EVL: variants seen among roughly 807,000 people sequenced by gnomAD.
EVL encodes the protein ena/VASP-like protein.
EVL carries 21 observed loss-of-function variants against 59.6 expected under a neutral mutation model. The observed-to-expected ratio is 0.35, with a 90% confidence interval of 0.25 to 0.51. EVL has a LOEUF of 0.51. EVL is among the 20% of genes least tolerant of loss of function. EVL has a pLI of 0.97. For missense variants in EVL, 462 were observed against 546.6 expected (o/e 0.85, Z 1.54); for synonymous variants, 198 against 203.5 (o/e 0.97, Z 0.23).
At chr14:99,995,594 A>G (rs1273317746) in intron 1 of EVL, among the ~76,000 whole-genome samples, 1 of 152,136 alleles carries the variant, frequency 6.6e-6, no homozygotes, top group Admixed American at 6.5e-5. Context: ...AAATCTATTT[A>G]GGGTTAGTTT....
At chr14:100,141,060 C>G in intron 11 of EVL, 120 bp from the exon 12 acceptor site, 2 of 895,252 alleles carry the variant, frequency 2.2e-6, no homozygotes, top group Non-Finnish European at 3.4e-6. Context: ...GAGTCTGAAG[C>G]AAGCAGCCTC....
intron 4 of EVL, among the ~76,000 whole-genome samples, chr14:100,124,885 G>T (rs1246594769): frequency 6.6e-6 from 1 of 152,144 alleles, no homozygotes; most frequent in African/African-American, 2.4e-5. Flanking sequence ...AACAGCAGGG[G>T]ACACACACAC....
chr14:100,067,876 T>G (rs1464799413), intron 1 of EVL, among the ~76,000 whole-genome samples: 1 of 151,392 alleles, frequency 6.6e-6, no homozygotes, highest in East Asian at 1.9e-4. Context: ...GCAGTAAGAG[T>G]TGAGAAGTTG....
chr14:100,085,663 C>T (rs2062424653), intron 2 of EVL, among the ~76,000 whole-genome samples: 2 of 152,230 alleles, frequency 1.3e-5, no homozygotes, highest in Admixed American at 6.5e-5. Context: ...AGCAGGTTAG[C>T]TGCTATCTTG....
At chr14:100,131,101 G>A (rs1888408550) in intron 7 of EVL, among the ~76,000 whole-genome samples, 1 of 152,246 alleles carries the variant, frequency 6.6e-6, no homozygotes, top group Non-Finnish European at 1.5e-5. Context: ...TGGACCAAAA[G>A]TCAGGCTGGA....
At chr14:100,084,380 T>C (rs1311701979) in intron 1 of EVL, among the ~76,000 whole-genome samples, 1 of 152,194 alleles carries the variant, frequency 6.6e-6, no homozygotes, top group Non-Finnish European at 1.5e-5. Context: ...TGGAATGTTG[T>C]GAACAGTTGG....
At chr14:100,122,488 G>A (rs577553741) in intron 3 of EVL, among the ~76,000 whole-genome samples, 2 of 152,304 alleles carry the variant, frequency 1.3e-5, no homozygotes, top group African/African-American at 4.8e-5. Context: ...CATTCCTTCT[G>A]TTTCTTGAGA....
upstream of EVL, among the ~76,000 whole-genome samples, chr14:100,061,460 CAAAAA>C (rs869039779): frequency 1.5e-5 from 1 of 64,540 alleles, no homozygotes. Flanking sequence ...CCTCAGGCTG[CAAAAA>C]AAAAAAAAAA....
At chr14:99,979,316 A>G (rs1419650682) in intron 1 of EVL, among the ~76,000 whole-genome samples, 4 of 152,196 alleles carry the variant, frequency 2.6e-5, no homozygotes, top group East Asian at 3.9e-4. Context: ...TCATTTATCT[A>G]TTGGGAACAT....
intron 1 of EVL, among the ~76,000 whole-genome samples, chr14:100,067,189 G>T (rs1426406048): frequency 6.6e-6 from 1 of 152,218 alleles, no homozygotes; most frequent in Non-Finnish European, 1.5e-5. Context: ...GGTGGAAGCA[G>T]CGTTCGTGGA....
At chr14:100,111,764 T>G (rs1170762343) in intron 3 of EVL, among the ~76,000 whole-genome samples, 2 of 152,164 alleles carry the variant, frequency 1.3e-5, no homozygotes, top group African/African-American at 4.8e-5. Context: ...AGGAATTACT[T>G]TCTCCATTTT....
Position 100,109,478 on chromosome 14 carries a change from C to T in EVL, c.358+11820C>T. 2.4e-6 allele frequency: 1 copy of T among 420,432 alleles called. No homozygotes were observed. Among genetic ancestry groups the T allele is most frequent in the South Asian group, 1.7e-5 (1 of 57,620 alleles). 26.0% of individuals were successfully genotyped at this position (420,432 alleles called of 1,614,324 possible). A position where few individuals can be genotyped will look rare whatever the true frequency, so the allele number is the denominator to read the frequency against. ...CGAGGGCAGGTGTCTGTTTCTGTGT[C>T]TCGGGAGCCCTGAAGAGAGACTGAC... is the stretch of plus-strand genomic sequence containing the variant. On this transcript the variant is annotated intron_variant, in intron 3 of 13. Transcript: ENST00000392920. This position sits in a 1 kb window ranked among gnomAD's most constrained non-coding sequence, Gnocchi z 4.3.
At chr14:99,983,516 C>T (rs923639268) in intron 1 of EVL, among the ~76,000 whole-genome samples, 29 of 152,164 alleles carry the variant, frequency 1.9e-4, no homozygotes, top group African/African-American at 6.8e-4. Flanking sequence ...TTGGTTTTGG[C>T]AGCCGCCTAC....
At chr14:100,043,389 G>A (rs747351966) in intron 1 of EVL, among the ~76,000 whole-genome samples, 33 of 145,594 alleles carry the variant, frequency 2.3e-4, no homozygotes, top group African/African-American at 3.0e-4. Flanking sequence ...AAAGTCCTAC[G>A]ATAGACCGTC....
At chr14:100,067,848 T>A (rs981661469) in intron 1 of EVL, among the ~76,000 whole-genome samples, 1 of 152,064 alleles carries the variant, frequency 6.6e-6, no homozygotes. Context: ...CAGAGAGTAA[T>A]AAGCATAGAC....
At chr14:100,077,996 G>A (rs1231753781) in intron 1 of EVL, among the ~76,000 whole-genome samples, 2 of 152,072 alleles carry the variant, frequency 1.3e-5, no homozygotes, top group East Asian at 1.9e-4. Flanking sequence ...GGATGGTCTC[G>A]ATCTCCTGAC....
At chr14:99,996,156 A>ATTT (rs576041164) in intron 1 of EVL, among the ~76,000 whole-genome samples, 1 of 144,196 alleles carries the variant, frequency 6.9e-6, no homozygotes, top group African/African-American at 2.5e-5. Context: ...GGGATTTGGG[A>ATTT]TTTTTTTTTT....
intron 1 of EVL, among the ~76,000 whole-genome samples, chr14:100,050,626 C>T (rs921258120): frequency 7.3e-5 from 11 of 149,854 alleles, no homozygotes; most frequent in East Asian, 4.0e-4. Flanking sequence ...TGTGAGCCAC[C>T]GCGCCTGGCC....
At chr14:100,012,744 T>G (rs2061024799) in intron 1 of EVL, among the ~76,000 whole-genome samples, 1 of 152,246 alleles carries the variant, frequency 6.6e-6, no homozygotes, top group South Asian at 2.1e-4. Context: ...GTGGTGGTTT[T>G]ACTTTTTCTC....
Sources: allele counts gnomAD v4.1 joint callset (sites outside exome capture counted in the v4.1 genomes callset), GRCh38; gene constraint gnomAD v4.1.1; non-coding constraint Gnocchi (gnomAD v3.1); transcripts MANE v1.5; gene names NCBI Gene and HGNC (gene_info 2026-07-23, HGNC 2026-07-21).